WDR55: variants seen among roughly 807,000 people sequenced by gnomAD.
The protein encoded by WDR55 is WD repeat domain 55, also known as WD repeat-containing protein 55.
WDR55 carries 31 observed loss-of-function variants against 34.0 expected under a neutral mutation model. The observed-to-expected ratio is 0.91, with a 90% CI of 0.69 to 1.23. The LOEUF (loss-of-function observed/expected upper bound fraction) is 1.23. Ranked by LOEUF, WDR55 falls within the 50% of genes most tolerant of loss-of-function variation. WDR55 has a pLI of 0.00. For synonymous variants in WDR55, 164 were observed against 185.9 expected, an observed-to-expected ratio of 0.88 and a Z score of 0.96; for missense variants, 440 against 494.6, an observed-to-expected ratio of 0.89 and a Z score of 1.05.
chr5:140,671,504 C>T lies in WDR55; in HGVS notation c.*1850C>T. ...CACCTGGTACCAGAAGCGGTGCCAG[C>T]CAGCAGGTCCTATGCCCAAACACTT... is the stretch of plus-strand genomic sequence containing the variant. On this transcript the variant is annotated 3_prime_UTR_variant, in exon 7 of 7. Coordinates refer to ENST00000358337, the MANE Select transcript of WDR55 (RefSeq NM_017706.5). 1.3e-6 allele frequency: 2 copies of T among 1,588,894 alleles called. No individual in the cohort carries two copies. Among genetic ancestry groups the T allele is most frequent in the South Asian group, 1.1e-5 (1 of 88,620 alleles).
Position 140,669,699 on chromosome 5 carries a change from C to A in WDR55, c.*45C>A. 6.5e-7 allele frequency: 1 copy of A among 1,547,752 alleles called. No homozygotes were observed. The highest frequency in any genetic ancestry group is 1.2e-5 in the South Asian group (1 of 84,788). On this transcript the variant is annotated 3_prime_UTR_variant, in exon 7 of 7. Coordinates refer to ENST00000358337, the MANE Select transcript of WDR55 (RefSeq NM_017706.5). ...AGACGGGTCCTCACCAGGCAAGAGT[C>A]TTGCTTATTGGGCTGCATCCCCAGA... is the stretch of plus-strand genomic sequence containing the variant.
In WDR55 at chr5:140,669,459, C is replaced by T; in HGVS notation, c.957C>T (p.Leu319=). ...FLASSGHDQR[L]KFWDMAQLRA... ...CCAGTAGTGGCCATGACCAGCGCCT[C>T]AAGTTTTGGGACATGGCCCAGCTGC... The change falls in exon 7 of 7, where the codon CTC becomes CTT. Residue 319 remains leucine (L), a synonymous_variant. Coordinates refer to ENST00000358337, the MANE Select transcript of WDR55 (RefSeq NM_017706.5). 3 of 1,614,118 alleles carry T rather than the reference C, an allele frequency of 1.9e-6. No homozygotes were observed. Among genetic ancestry groups the T allele is most frequent in the East Asian group, 2.2e-5 (1 of 44,880 alleles).
At chr5:140,668,135 CTTAGG>C (rs1757965978) in intron 1 of WDR55, 94 bp from the exon 2 acceptor site, 1 of 1,378,360 alleles carries the variant, frequency 7.3e-7, no homozygotes, top group Non-Finnish European at 9.7e-7. Flanking sequence ...AGCAGGAACT[CTTAGG>C]TAGGTGGGAA....
At chr5:140,666,372 G>A (rs1757924572) in intron 1 of WDR55, among the ~76,000 whole-genome samples, 1 of 152,148 alleles carries the variant, frequency 6.6e-6, no homozygotes, top group Non-Finnish European at 1.5e-5. Flanking sequence ...CTCCAGCCTG[G>A]GCAACAAGAG....
rs1296278413 is a variant in WDR55 at position 140,671,659 on chromosome 5, G to A, written c.*2005G>A. ...TGCCCTCTGGCTGTGGGGACCGCAAGAAGGGACCCACAAGCTGCTGGCGAA... is the reference window on the plus strand; with the variant it reads ...TGCCCTCTGGCTGTGGGGACCGCAAAAAGGGACCCACAAGCTGCTGGCGAA... On this transcript the variant is annotated 3_prime_UTR_variant, in exon 7 of 7. Coordinates refer to ENST00000358337, the MANE Select transcript of WDR55 (RefSeq NM_017706.5). 1 of 1,582,542 alleles carries A rather than the reference G, an allele frequency of 6.3e-7. No individual in the cohort carries two copies. Among genetic ancestry groups the A allele is most frequent in the African/African-American group, 1.3e-5 (1 of 74,498 alleles).
At position 140,668,629 on chromosome 5, in the gene WDR55, T is replaced by A. The variant is rs755130325; in HGVS notation, c.398T>A (p.Leu133His). The change falls in exon 4 of 7, where the codon CTT (leucine) becomes CAT (histidine). Residue 133 changes from leucine to histidine, a missense_variant. Physicochemically the swap from Leu to His is moderately conservative, Grantham distance 99. Coordinates refer to ENST00000358337, the MANE Select transcript of WDR55 (RefSeq NM_017706.5). ...GTCTCTAGTGCCCCCATCAATAGTC[T>A]TCTGCTGGTGGATGAGAATGTTCTG... The part of the protein sequence containing the change: ...SKAHGAPINS[L>H]LLVDENVLAT... The A allele has an allele frequency of 1.1e-5, 17 of 1,613,758 alleles. No homozygotes were observed. The African/African-American group carries it at 1.1e-4, about 10-fold the overall frequency.
In WDR55 at chr5:140,672,210, G is replaced by A. The variant is rs569601282; in HGVS notation, c.*2556G>A. On this transcript the variant is annotated 3_prime_UTR_variant, in exon 7 of 7. Transcript: ENST00000358337. ...GTCCTGTGCCTATTTTGCGGTGTGG[G>A]GGTGGGGGAAGGTTGAGAATTAAGT... The A allele has an allele frequency of 2.9e-5, 17 of 591,110 alleles. No homozygotes were observed. Among genetic ancestry groups the A allele is most frequent in the African/African-American group, 2.4e-4 (13 of 53,558 alleles). 36.6% of individuals were successfully genotyped at this position (591,110 alleles called of 1,614,324 possible). A position where few individuals can be genotyped will look rare whatever the true frequency, so the allele number is the denominator to read the frequency against.
At chr5:140,665,430 C>T (rs1477055703) in intron 1 of WDR55, among the ~76,000 whole-genome samples, 1 of 152,180 alleles carries the variant, frequency 6.6e-6, no homozygotes, top group Non-Finnish European at 1.5e-5. Context: ...GCGATCTGGG[C>T]TCACTGCAAC....
In WDR55 at chr5:140,668,613, G is replaced by A. The variant is rs758413132; in HGVS notation, c.382G>A (p.Ala128Thr). The A allele has an allele frequency of 4.3e-6, 7 of 1,613,202 alleles. No individual in the cohort carries two copies. The highest frequency in any genetic ancestry group is 2.2e-5 in the South Asian group (2 of 90,956). The change falls in exon 4 of 7, where the codon GCC (alanine) becomes ACC (threonine). Residue 128 changes from alanine to threonine, a missense_variant and splice_region_variant. Ala to Thr is a moderately conservative substitution (Grantham distance 58, BLOSUM62 0). Coordinates refer to ENST00000358337, the MANE Select transcript of WDR55 (RefSeq NM_017706.5). ...GAAGTTCTACATCTGTGTCTCTAGT[G>A]CCCCCATCAATAGTCTTCTGCTGGT... ...LERRVSKAHG[A>T]PINSLLLVDE...
At chr5:140,668,090 T>G in intron 1 of WDR55, 144 bp from the exon 2 acceptor site, 14 of 817,772 alleles carry the variant, frequency 1.7e-5, no homozygotes, top group Non-Finnish European at 2.5e-5. Context: ...AATGGAGAAA[T>G]GAGATGGTAA....
At position 140,669,080 on chromosome 5, in the gene WDR55, G is replaced by T; in HGVS notation, c.662G>T (p.Trp221Leu). The T allele has an allele frequency of 6.2e-7, 1 of 1,614,146 alleles. No individual in the cohort carries two copies. Among genetic ancestry groups the T allele is most frequent in the Non-Finnish European group, 8.5e-7 (1 of 1,180,040 alleles). ...ATTGTTTTCTCTATTTCCCTGCAGT[G>T]GGGGAAGAAGGTAGCCTGTGGCTCC... ...GDLTSVTLMK[W>L]GKKVACGSSE... The change falls in exon 6 of 7, where the codon TGG (tryptophan) becomes TTG (leucine). Residue 221 changes from tryptophan to leucine, a missense_variant and splice_region_variant. Transcript: ENST00000358337.
intron 1 of WDR55, 31 bp from the exon 2 acceptor site, chr5:140,668,203 G>C (rs754627955): frequency 7.0e-6 from 11 of 1,562,860 alleles, no homozygotes; most frequent in Non-Finnish European, 5.2e-6. Flanking sequence ...GCTGGGTCTG[G>C]AGTCATTTAC....
rs1458619252 is a variant in WDR55, at chr5:140,671,469, C to T, written c.*1815C>T. ...AGGCCGCTGAAGGGCACCGGATGCCCAGGAATCACCACCTGGTACCAGAAG... is the reference window on the plus strand; with the variant it reads ...AGGCCGCTGAAGGGCACCGGATGCCTAGGAATCACCACCTGGTACCAGAAG... On this transcript the variant is annotated 3_prime_UTR_variant, in exon 7 of 7. Transcript: ENST00000358337. The T allele has an allele frequency of 4.4e-6, 7 of 1,607,112 alleles. No individual in the cohort carries two copies. The highest frequency in any genetic ancestry group is 5.9e-6 in the Non-Finnish European group (7 of 1,178,056).
Position 140,672,303 on chromosome 5 carries a change from T to C in WDR55, c.*2649T>C. 1 of 937,694 alleles carries C rather than the reference T, an allele frequency of 1.1e-6. No individual in the cohort carries two copies. Among genetic ancestry groups the C allele is most frequent in the Non-Finnish European group, 1.6e-6 (1 of 630,502 alleles). 58.1% of individuals were successfully genotyped at this position (937,694 alleles called of 1,614,324 possible). A position where few individuals can be genotyped will look rare whatever the true frequency, so the allele number is the denominator to read the frequency against. Reference sequence around the variant, plus strand: ...GTGGTGGTAGCACCATTGGAAGTTTTAAAAATCTGAGATCAAATAGTAAAA... The same window carrying C: ...GTGGTGGTAGCACCATTGGAAGTTTCAAAAATCTGAGATCAAATAGTAAAA... On this transcript the variant is annotated 3_prime_UTR_variant, in exon 7 of 7. Transcript: ENST00000358337.
Position 140,671,221 on chromosome 5 carries a change from C to A in WDR55, c.*1567C>A. 6 of 1,601,126 alleles carry A rather than the reference C, an allele frequency of 3.7e-6. No homozygotes were observed. Among genetic ancestry groups the A allele is most frequent in the South Asian group, 1.1e-5 (1 of 90,538 alleles). On this transcript the variant is annotated 3_prime_UTR_variant, in exon 7 of 7. Transcript: ENST00000358337. The stretch of plus-strand genomic sequence containing the variant: ...CTTTGGGGGTCAGAAAGTGGCCACC[C>A]AGGCCTGCTGGGATGGGGCCTGACA...
At chr5:140,665,147 C>T (rs766041433) in intron 1 of WDR55, 44 bp downstream of exon 1, 7 of 1,522,444 alleles carry the variant, frequency 4.6e-6, no homozygotes, top group Admixed American at 2.1e-5. Context: ...GGAAGCTTCC[C>T]GGGGGTGGAC....
intron 1 of WDR55, among the ~76,000 whole-genome samples, chr5:140,665,476 G>A (rs1352373585): frequency 6.6e-6 from 1 of 152,074 alleles, no homozygotes; most frequent in Non-Finnish European, 1.5e-5. Flanking sequence ...CTCTTCCTCA[G>A]CCTCCCGAGT....
Position 140,669,614 on chromosome 5 carries a change from C to T in WDR55, c.1112C>T (p.Ala371Val). 1 of 1,613,962 alleles carries T rather than the reference C, an allele frequency of 6.2e-7. No individual in the cohort carries two copies. The highest frequency in any genetic ancestry group is 8.5e-7 in the Non-Finnish European group (1 of 1,179,956). ...GLREEGEDSMAQEEKEETGDD... is the reference protein window; with the variant it reads ...GLREEGEDSMVQEEKEETGDD... ...AGGGAAGAGGGAGAAGACTCCATGG[C>T]TCAGGAAGAAAAGGAGGAGACTGGG... The change falls in exon 7 of 7, where the codon GCT (alanine) becomes GTT (valine). Residue 371 changes from alanine (A) to valine (V), a missense_variant. By Grantham distance (64) the Ala-to-Val change is moderately conservative. Coordinates refer to ENST00000358337, the MANE Select transcript of WDR55 (RefSeq NM_017706.5).
At chr5:140,666,064 C>T (rs1757915106) in intron 1 of WDR55, among the ~76,000 whole-genome samples, 1 of 152,062 alleles carries the variant, frequency 6.6e-6, no homozygotes, top group Non-Finnish European at 1.5e-5. Context: ...CTGCCTTCAA[C>T]GCCCTGACCA....
Sources: gnomAD v4.1 joint callset for allele counts (sites outside exome capture counted in the v4.1 genomes callset) on GRCh38, gnomAD v4.1.1 for gene constraint, MANE v1.5 for transcripts, NCBI Gene and HGNC (gene_info 2026-07-23, HGNC 2026-07-21) for gene names.